MTHFD2L: variants seen among roughly 807,000 people sequenced by gnomAD.
MTHFD2L encodes the protein methylenetetrahydrofolate dehydrogenase (NADP+ dependent) 2 like, also known as bifunctional methylenetetrahydrofolate dehydrogenase/cyclohydrolase 2, mitochondrial.
In MTHFD2L, 29 loss-of-function variants were observed where a neutral mutation model predicts 34.9. That is an observed-to-expected ratio of 0.83 (90% CI 0.62 to 1.13). The LOEUF is 1.13. Among genes scored for constraint, MTHFD2L ranks in the 50% most tolerant of loss-of-function variants. MTHFD2L has a pLI of 0.00. For missense variants in MTHFD2L, 481 were observed against 446.5 expected (o/e 1.08, Z -0.70); for synonymous variants, 167 against 155.7 (o/e 1.07, Z -0.54).
chr4:74,286,385 C>T lies in MTHFD2L; in HGVS notation c.931+4835C>T, dbSNP rs551065159. Among the ~76,000 whole-genome samples the T allele has an allele frequency of 4.6e-5, 7 of 152,216 alleles. No individual in the cohort carries two copies. The East Asian group carries it at 1.4e-3, about 29-fold the overall frequency. The stretch of plus-strand genomic sequence containing the variant: ...ACTTAGGTATACCTACTTTCACAGG[C>T]AATTTTTTTAAACCATTTTCTATTG... On this transcript the variant is annotated intron_variant, in intron 7 of 7. Transcript: ENST00000325278.
chr4:74,275,143 G>T (rs908098629), intron 6 of MTHFD2L, among the ~76,000 whole-genome samples: 2 of 152,036 alleles, frequency 1.3e-5, no homozygotes, highest in African/African-American at 4.8e-5. Flanking sequence ...TGCCTTTCCT[G>T]TGTCCATGTG....
At chr4:74,209,166 G>A (rs1004422169) in intron 5 of MTHFD2L, among the ~76,000 whole-genome samples, 4 of 152,104 alleles carry the variant, frequency 2.6e-5, no homozygotes, top group Non-Finnish European at 5.9e-5. Flanking sequence ...GAGGCCAAAA[G>A]CCTGACTGGT....
chr4:74,164,030 C>T (rs369789939), intron 1 of MTHFD2L, among the ~76,000 whole-genome samples: 5 of 152,266 alleles, frequency 3.3e-5, no homozygotes, highest in African/African-American at 1.2e-4. Flanking sequence ...CGCCCGCCAC[C>T]ACGCCCGGCT....
chr4:74,231,721 A>G (rs752601971), intron 6 of MTHFD2L, among the ~76,000 whole-genome samples: 2 of 152,132 alleles, frequency 1.3e-5, no homozygotes, highest in African/African-American at 4.8e-5. Flanking sequence ...CTGAATCTCA[A>G]TCTGTTCATT....
intron 6 of MTHFD2L, chr4:74,267,672 C>T (rs1286201497): frequency 2.2e-5 from 21 of 973,196 alleles, no homozygotes; most frequent in Middle Eastern, 1.1e-3. Flanking sequence ...TGGGCTCTGG[C>T]GATCCTCCCA....
chr4:74,300,560 A>C (rs1348544604), intron 7 of MTHFD2L, among the ~76,000 whole-genome samples: 1 of 152,098 alleles, frequency 6.6e-6, no homozygotes, highest in Non-Finnish European at 1.5e-5. Context: ...AATATTGTCT[A>C]TGCTAACTTT....
At chr4:74,185,077 G>A (rs1370045839) in intron 3 of MTHFD2L, among the ~76,000 whole-genome samples, 1 of 150,418 alleles carries the variant, frequency 6.6e-6, no homozygotes, top group Non-Finnish European at 1.5e-5. Flanking sequence ...TCCTGAACCT[G>A]GGAGGCGGAG....
At chr4:74,163,391 T>C (rs1032475531) in intron 1 of MTHFD2L, among the ~76,000 whole-genome samples, 4 of 152,242 alleles carry the variant, frequency 2.6e-5, no homozygotes, top group African/African-American at 9.6e-5. Flanking sequence ...CAAGAGCTTT[T>C]GTGGCACAAA....
At chr4:74,140,592 C>T (rs1723219065) in intron 1 of MTHFD2L, 3 of 943,880 alleles carry the variant, frequency 3.2e-6, no homozygotes, top group African/African-American at 1.8e-5. Flanking sequence ...AATTCAAGGA[C>T]ATTTTATTAG....
intron 6 of MTHFD2L, chr4:74,267,641 C>T (rs778505658): frequency 7.8e-5 from 61 of 784,598 alleles, no homozygotes; most frequent in Admixed American, 1.2e-4. Flanking sequence ...CCCTATGTTG[C>T]CCAGGCTGGT....
intron 1 of MTHFD2L, among the ~76,000 whole-genome samples, chr4:74,166,315 T>A (rs2109920788): frequency 6.6e-6 from 1 of 152,368 alleles, no homozygotes; most frequent in Non-Finnish European, 1.5e-5. Flanking sequence ...TGCAGCTGCA[T>A]AACTCCAGTC....
chr4:74,245,482 T>C (rs1578598149), intron 6 of MTHFD2L, among the ~76,000 whole-genome samples: 1 of 82,812 alleles, frequency 1.2e-5, no homozygotes. Flanking sequence ...TTTTCAATAA[T>C]TTTTTTTATT....
rs536177746 is a variant in MTHFD2L at position 74,130,491 on chromosome 4, C to T, written c.-297+4974C>T. Among the ~76,000 whole-genome samples, 190 of 152,098 alleles carry T rather than the reference C, an allele frequency of 1.2e-3. 1 individual carries two copies. Among genetic ancestry groups the T allele is most frequent in the African/African-American group, 4.3e-3 (177 of 41,518 alleles). On this transcript the variant is annotated intron_variant, in intron 1 of 7. Coordinates refer to the MTHFD2L transcript ENST00000433372. Reference sequence around the variant, plus strand: ...AACAGAACCAATGACAAAAACCACACGATTATCTCAATAGATGCAGAAAAG... The same window carrying T: ...AACAGAACCAATGACAAAAACCACATGATTATCTCAATAGATGCAGAAAAG...
At chr4:74,169,507 G>GT (rs1207845282) in intron 1 of MTHFD2L, among the ~76,000 whole-genome samples, 3 of 152,174 alleles carry the variant, frequency 2.0e-5, no homozygotes, top group Non-Finnish European at 4.4e-5. Context: ...GAGTTCAGAT[G>GT]TTTTTATATT....
chr4:74,248,117 T>C (rs903648142), intron 6 of MTHFD2L, among the ~76,000 whole-genome samples: 17 of 151,454 alleles, frequency 1.1e-4, no homozygotes, highest in Admixed American at 5.2e-4. Context: ...TCCTGGACTC[T>C]TTTTGGTTGG....
chr4:74,122,709 A>C (rs79320966), upstream of MTHFD2L, among the ~76,000 whole-genome samples: 5,434 of 152,316 alleles, frequency 0.036, 119 homozygotes, highest in Non-Finnish European at 0.057. Context: ...TAAATGCAAT[A>C]CTTGAATCTG....
intron 6 of MTHFD2L, among the ~76,000 whole-genome samples, chr4:74,277,287 C>T (rs1043969573): frequency 6.6e-6 from 1 of 151,836 alleles, no homozygotes; most frequent in Non-Finnish European, 1.5e-5. Flanking sequence ...CATTGTGACA[C>T]AGCTGAGGGA....
chr4:74,142,498 A>G (rs1403839982), intron 1 of MTHFD2L, among the ~76,000 whole-genome samples: 1 of 152,238 alleles, frequency 6.6e-6, no homozygotes, highest in Non-Finnish European at 1.5e-5. Context: ...AAGCCTAACT[A>G]CGCTGGCAAC....
At chr4:74,245,758 G>A (rs2110182730) in intron 6 of MTHFD2L, among the ~76,000 whole-genome samples, 1 of 152,078 alleles carries the variant, frequency 6.6e-6, no homozygotes, top group African/African-American at 2.4e-5. Flanking sequence ...ATAGTTTACT[G>A]AGAATGATGA....
Sources: allele counts gnomAD v4.1 joint callset (sites outside exome capture counted in the v4.1 genomes callset), GRCh38; gene constraint gnomAD v4.1.1; transcripts MANE v1.5; gene names NCBI Gene and HGNC (gene_info 2026-07-23, HGNC 2026-07-21).